The following KHDC1 variants were observed in gnomAD, a reference collection of about 807,000 sequenced individuals.
KHDC1 encodes KH domain containing 1, also known as KH homology domain-containing protein 1.
In KHDC1, 21 loss-of-function variants were observed where a neutral mutation model predicts 24.7. The ratio of observed to expected loss-of-function variants is 0.85; its 90% CI spans 0.60 to 1.23. KHDC1 has a LOEUF of 1.23. KHDC1 is among the 50% of genes most tolerant of loss of function. KHDC1 has a pLI of 0.00. For missense variants in KHDC1, 274 were observed against 298.5 expected, an observed-to-expected ratio of 0.92 and a Z score of 0.61; for synonymous variants, 98 against 111.7, an observed-to-expected ratio of 0.88 and a Z score of 0.77.
intron 1 of KHDC1, chr6:73,292,263 C>G (rs564784076): frequency 5.2e-6 from 7 of 1,334,694 alleles, no homozygotes; most frequent in Non-Finnish European, 6.5e-6. Flanking sequence ...CCAGAAACGA[C>G]AAGGCAAATG....
At chr6:73,300,281 C>T (rs1767850588) in intron 1 of KHDC1, 2 of 152,392 alleles carry the variant, frequency 1.3e-5, no homozygotes, top group Admixed American at 6.6e-5. Flanking sequence ...CTCCCTTGCA[C>T]TTACGGTTCA....
rs970926972 is a variant in KHDC1 at position 73,263,148 on chromosome 6, G to C, written c.207-20618C>G. On this transcript the variant is annotated intron_variant, in intron 2 of 4. Transcript: ENST00000370384. ...CTGGGCCGCGCACCCGACCCTTCCA[G>C]GGGTCCCGGCTCGCGCCGCGGCCGC... 5.1e-6 allele frequency: 5 copies of C among 988,260 alleles called. No homozygotes were observed. The African/African-American group carries it at 7.0e-5, about 14-fold the overall frequency. The allele number at this position is 988,260 out of a possible 1,614,324, so 61.2% of individuals were successfully genotyped here.
intron 2 of KHDC1, among the ~76,000 whole-genome samples, chr6:73,264,974 AT>A (rs1767054479): frequency 6.6e-6 from 1 of 152,140 alleles, no homozygotes; most frequent in South Asian, 2.1e-4. Flanking sequence ...CTGAGAACTG[AT>A]TGAGGAGTGC....
At chr6:73,255,421 G>A (rs1009970329) in intron 2 of KHDC1, among the ~76,000 whole-genome samples, 6 of 148,960 alleles carry the variant, frequency 4.0e-5, no homozygotes, top group African/African-American at 1.5e-4. Flanking sequence ...GTTTCACCAC[G>A]TTGGCCAGGC....
At chr6:73,271,221 T>TG (rs1305940756) in intron 2 of KHDC1, among the ~76,000 whole-genome samples, 4 of 151,730 alleles carry the variant, frequency 2.6e-5, no homozygotes, top group East Asian at 2.0e-4. Context: ...TTGTTGTTGT[T>TG]GGGGGGGACA....
chr6:73,277,616 C>G lies in KHDC1; in HGVS notation c.206+14382G>C, dbSNP rs562418178. Among the ~76,000 whole-genome samples the G allele has an allele frequency of 4.8e-4, 73 of 151,918 alleles. 1 individual carries two copies. Among genetic ancestry groups the G allele is most frequent in the Non-Finnish European group, 1.0e-4 (7 of 67,984 alleles). Reference sequence around the variant, plus strand: ...CTGTAATCCCAGCACTTTGGGAGACCGAGGCAGGAAGATTGCTTGAGTCCA... The same window carrying G: ...CTGTAATCCCAGCACTTTGGGAGACGGAGGCAGGAAGATTGCTTGAGTCCA... On this transcript the variant is annotated intron_variant, in intron 2 of 4. Transcript: ENST00000370384.
chr6:73,278,104 C>T (rs564039019), intron 2 of KHDC1, among the ~76,000 whole-genome samples: 2 of 149,742 alleles, frequency 1.3e-5, no homozygotes, highest in East Asian at 2.0e-4. Context: ...CTCCGCCTCC[C>T]GGGTTCAAGC....
intron 2 of KHDC1, among the ~76,000 whole-genome samples, 181 bp downstream of exon 1, chr6:73,262,593 A>T (rs1766999263): frequency 6.6e-6 from 1 of 152,060 alleles, no homozygotes; most frequent in African/African-American, 2.4e-5. Flanking sequence ...ATAAGTTTAA[A>T]ATGTCCCCAA....
At chr6:73,308,070 ATTTTTTT>A (rs35521120) in intron 1 of KHDC1, among the ~76,000 whole-genome samples, 1 of 111,984 alleles carries the variant, frequency 8.9e-6, no homozygotes, top group Admixed American at 9.8e-5. Context: ...GGCCCAGCTA[ATTTTTTT>A]TTTTTTTTTT....
Position 73,258,030 on chromosome 6 carries a change from C to T in KHDC1, c.207-15500G>A, listed in dbSNP as rs534552020. On this transcript the variant is annotated intron_variant, in intron 2 of 4. Transcript: ENST00000370384. ...AGCACTTTGGGAGGCCCAAGGTGGGCGGATCACTTGAGCTCAGGAGTTCGA... is the reference window on the plus strand; with the variant it reads ...AGCACTTTGGGAGGCCCAAGGTGGGTGGATCACTTGAGCTCAGGAGTTCGA... 3.0e-4 allele frequency among the ~76,000 whole-genome samples: 46 copies of T among 152,214 alleles called. No individual in the cohort carries two copies. In the South Asian group the frequency reaches 7.0e-3, roughly 23 times the overall value.
At chr6:73,288,803 C>CAA (rs33926109) in intron 2 of KHDC1, among the ~76,000 whole-genome samples, 2 of 78,570 alleles carry the variant, frequency 2.5e-5, no homozygotes, top group Non-Finnish European at 2.6e-5. Flanking sequence ...ACCCCCATCT[C>CAA]AAAAAAAAAA....
Position 73,242,342 on chromosome 6 carries a change from G to T in KHDC1, c.331+64C>A, listed in dbSNP as rs1452953340. Reference sequence around the variant, plus strand: ...TATGTGACTGATGAAGGTGGGAGGGGAGAGGAAGAGTGAAAACTGAGAAGA... The same window carrying T: ...TATGTGACTGATGAAGGTGGGAGGGTAGAGGAAGAGTGAAAACTGAGAAGA... On this transcript the variant is annotated intron_variant, in intron 3 of 4. Transcript: ENST00000370384. The T allele has an allele frequency of 3.1e-6, 5 of 1,610,460 alleles. No individual in the cohort carries two copies. The Admixed American group carries it at 8.3e-5, about 27-fold the overall frequency.
intron 2 of KHDC1, among the ~76,000 whole-genome samples, chr6:73,248,087 A>G (rs1017046716): frequency 1.3e-5 from 2 of 152,142 alleles, no homozygotes; most frequent in Non-Finnish European, 2.9e-5. Context: ...CTGTTCAGGG[A>G]CAGCAGTGGA....
intron 1 of KHDC1, among the ~76,000 whole-genome samples, chr6:73,306,372 C>A (rs747503144): frequency 2.0e-5 from 3 of 152,138 alleles, no homozygotes; most frequent in Non-Finnish European, 4.4e-5. Context: ...CCTCTCCGTT[C>A]CCAGCTATTT....
At chr6:73,241,596 A>C (rs1766567531) in exon 5 of KHDC1, 1 of 1,614,192 alleles carries the variant, frequency 6.2e-7, no homozygotes, top group Non-Finnish European at 8.5e-7. Flanking sequence ...AGGCTGAGGA[A>C]CGCTAAGACA....
At chr6:73,248,943 C>CAA (rs36010850) in intron 2 of KHDC1, among the ~76,000 whole-genome samples, 2,318 of 137,414 alleles carry the variant, frequency 0.017, 28 homozygotes, top group Non-Finnish European at 0.025. Flanking sequence ...TGTTGGGAGT[C>CAA]AAAAAAAAAA....
At chr6:73,289,730 G>C (rs1389600220) in intron 2 of KHDC1, among the ~76,000 whole-genome samples, 1 of 152,152 alleles carries the variant, frequency 6.6e-6, no homozygotes, top group African/African-American at 2.4e-5. Context: ...GGGAGGCTGA[G>C]TGGGGCAGAC....
chr6:73,249,881 C>G (rs1271787902), intron 2 of KHDC1, among the ~76,000 whole-genome samples: 1 of 152,146 alleles, frequency 6.6e-6, no homozygotes, highest in Non-Finnish European at 1.5e-5. Flanking sequence ...TCCCAAAGCA[C>G]TGGCATTACA....
At chr6:73,266,133 G>A (rs1213044491) in intron 2 of KHDC1, among the ~76,000 whole-genome samples, 1 of 152,148 alleles carries the variant, frequency 6.6e-6, no homozygotes, top group African/African-American at 2.4e-5. Flanking sequence ...AGAAGCAAAG[G>A]AGTGGATGAG....
Sources: allele counts gnomAD v4.1 joint callset (sites outside exome capture counted in the v4.1 genomes callset), GRCh38; gene constraint gnomAD v4.1.1; transcripts MANE v1.5; gene names NCBI Gene and HGNC (gene_info 2026-07-23, HGNC 2026-07-21).